The following CA10 variants were observed in gnomAD, a reference collection of about 807,000 sequenced individuals.
CA10 encodes the protein carbonic anhydrase 10 (inactive).
CA10 carries 14 observed loss-of-function variants against 44.2 expected under a neutral mutation model. The ratio of observed to expected loss-of-function variants is 0.32; its 90% CI spans 0.21 to 0.50. The LOEUF (loss-of-function observed/expected upper bound fraction) is 0.50, where lower values mean the gene tolerates loss of function less well. CA10 is among the 20% of genes least tolerant of loss of function. The pLI is 0.99. For missense variants in CA10, 350 were observed against 409.7 expected, an observed-to-expected ratio of 0.85 and a Z score of 1.26; for synonymous variants, 159 against 141.6, an observed-to-expected ratio of 1.12 and a Z score of -0.87.
intron 1 of CA10, among the ~76,000 whole-genome samples, chr17:52,140,737 C>T (rs1989460295): frequency 6.6e-6 from 1 of 152,228 alleles, no homozygotes; most frequent in East Asian, 1.9e-4. Flanking sequence ...GAGTCCAGCT[C>T]CTGTGAGCCC....
At chr17:52,129,781 C>A (rs1989193605) in intron 1 of CA10, among the ~76,000 whole-genome samples, 1 of 152,186 alleles carries the variant, frequency 6.6e-6, no homozygotes, top group Non-Finnish European at 1.5e-5. Flanking sequence ...AACTACTTAA[C>A]ATAGGCCTGG....
chr17:51,679,707 A>G (rs1341192790), intron 4 of CA10, among the ~76,000 whole-genome samples: 3 of 152,040 alleles, frequency 2.0e-5, no homozygotes, highest in African/African-American at 7.2e-5. Flanking sequence ...CGTATTTCTA[A>G]GAGCACAGAG....
intron 4 of CA10, among the ~76,000 whole-genome samples, chr17:51,677,220 T>C (rs1914655081): frequency 6.6e-6 from 1 of 152,182 alleles, no homozygotes; most frequent in African/African-American, 2.4e-5. Flanking sequence ...TCATGTTCAA[T>C]TGTAATACTC....
chr17:51,879,242 C>G (rs966372568), intron 3 of CA10, among the ~76,000 whole-genome samples: 12 of 152,032 alleles, frequency 7.9e-5, no homozygotes, highest in Non-Finnish European at 2.9e-5. Context: ...CATGGTGTTA[C>G]AGTGAATTTT....
chr17:51,857,917 G>C (rs1241327125), intron 3 of CA10, among the ~76,000 whole-genome samples: 1 of 152,174 alleles, frequency 6.6e-6, no homozygotes, highest in Non-Finnish European at 1.5e-5. Context: ...AATTGGATGA[G>C]AAATTCAGGG....
chr17:51,972,651 T>C (rs1015729682), intron 2 of CA10, among the ~76,000 whole-genome samples: 1 of 152,116 alleles, frequency 6.6e-6, no homozygotes, highest in Non-Finnish European at 1.5e-5. Context: ...TTTGAAAATA[T>C]CACACATTTC....
At chr17:51,655,793 C>A (rs1913770647) in intron 4 of CA10, among the ~76,000 whole-genome samples, 2 of 152,214 alleles carry the variant, frequency 1.3e-5, no homozygotes, top group African/African-American at 2.4e-5. Context: ...AGGAACTTCT[C>A]ATGAAGAGAG....
chr17:52,060,474 C>T (rs1387570636), intron 2 of CA10, among the ~76,000 whole-genome samples: 1 of 152,036 alleles, frequency 6.6e-6, no homozygotes, highest in Admixed American at 6.6e-5. Context: ...AAATGTATTG[C>T]TAATGTAAGG....
At chr17:52,055,057 A>G (rs987291066) in intron 2 of CA10, among the ~76,000 whole-genome samples, 3 of 152,108 alleles carry the variant, frequency 2.0e-5, no homozygotes, top group African/African-American at 2.4e-5. Flanking sequence ...ATACACTTAG[A>G]TATATCCCAG....
At chr17:51,838,421 C>T (rs997866248) in intron 3 of CA10, among the ~76,000 whole-genome samples, 1 of 152,222 alleles carries the variant, frequency 6.6e-6, no homozygotes, top group African/African-American at 2.4e-5. Flanking sequence ...CAACCCCCCA[C>T]CTCCATGAAA....
At chr17:52,030,829 T>C (rs1180335873) in intron 2 of CA10, among the ~76,000 whole-genome samples, 2 of 152,128 alleles carry the variant, frequency 1.3e-5, no homozygotes, top group East Asian at 1.9e-4. Context: ...CCAGAATTTA[T>C]AGCAGCAACC....
chr17:52,045,941 A>T (rs528582823), intron 2 of CA10, among the ~76,000 whole-genome samples: 14 of 152,056 alleles, frequency 9.2e-5, no homozygotes, highest in African/African-American at 3.4e-4. Context: ...ACCTAGGAAA[A>T]TTTTAAGATA....
chr17:51,776,281 A>G (rs1216576135), intron 3 of CA10, among the ~76,000 whole-genome samples: 1 of 152,200 alleles, frequency 6.6e-6, no homozygotes, highest in Non-Finnish European at 1.5e-5. Flanking sequence ...AGGCTGAGGC[A>G]GGAGAATCGC....
intron 3 of CA10, among the ~76,000 whole-genome samples, chr17:51,865,548 T>C (rs1979507169): frequency 1.3e-5 from 2 of 152,198 alleles, no homozygotes; most frequent in Non-Finnish European, 2.9e-5. Flanking sequence ...GCAGTGTCCA[T>C]GGCCTCAGGG....
intron 4 of CA10, among the ~76,000 whole-genome samples, chr17:51,728,644 C>A (rs1916610095): frequency 6.6e-6 from 1 of 152,082 alleles, no homozygotes; most frequent in South Asian, 2.1e-4. Context: ...TCAGAGGTAC[C>A]CAATATCCAC....
chr17:51,671,376 C>G (rs930314042), intron 4 of CA10, among the ~76,000 whole-genome samples: 1 of 151,062 alleles, frequency 6.6e-6, no homozygotes, highest in South Asian at 2.1e-4. Flanking sequence ...ACATGACTCA[C>G]AGTTTCACAC....
intron 3 of CA10, among the ~76,000 whole-genome samples, chr17:51,845,422 T>C (rs969064643): frequency 2.6e-5 from 4 of 152,186 alleles, no homozygotes; most frequent in Non-Finnish European, 5.9e-5. Flanking sequence ...GCCATGTGAG[T>C]GAGCCATCTT....
chr17:52,098,052 G>T (rs893522310), intron 1 of CA10, among the ~76,000 whole-genome samples: 1 of 152,170 alleles, frequency 6.6e-6, no homozygotes, highest in African/African-American at 2.4e-5. Flanking sequence ...AGGACCTTAT[G>T]CCTGTGCTGC....
intron 3 of CA10, among the ~76,000 whole-genome samples, chr17:51,801,797 C>T (rs1376223248): frequency 6.6e-6 from 1 of 152,162 alleles, no homozygotes; most frequent in Admixed American, 6.5e-5. Flanking sequence ...GGGATCTAAC[C>T]CAGTGACACC....
Sources: allele counts gnomAD v4.1 joint callset (sites outside exome capture counted in the v4.1 genomes callset), GRCh38; gene constraint gnomAD v4.1.1; transcripts MANE v1.5; gene names NCBI Gene and HGNC (gene_info 2026-07-23, HGNC 2026-07-21).